CTDSPL2: variants seen among roughly 807,000 people sequenced by gnomAD.
CTDSPL2 encodes the protein CTD small phosphatase-like protein 2.
In CTDSPL2, 5 loss-of-function variants were observed where a neutral mutation model predicts 60.0. The observed-to-expected ratio is 0.08, with a 90% CI of 0.04 to 0.18. The LOEUF is 0.18. Ranked by LOEUF, CTDSPL2 falls within the 10% of genes least tolerant of loss-of-function variation. The pLI is 1.00. For missense variants in CTDSPL2, 370 were observed against 548.8 expected (o/e 0.67, Z 3.26); for synonymous variants, 186 against 189.3 (o/e 0.98, Z 0.14).
intron 2 of CTDSPL2, among the ~76,000 whole-genome samples, chr15:44,478,378 G>A (rs1282180859): frequency 6.8e-6 from 1 of 146,974 alleles, no homozygotes; most frequent in African/African-American, 2.6e-5. Flanking sequence ...CTTGAACCCG[G>A]GAGGTGGAGG....
At chr15:44,457,001 C>A (rs1374838249) in intron 1 of CTDSPL2, among the ~76,000 whole-genome samples, 1 of 151,970 alleles carries the variant, frequency 6.6e-6, no homozygotes, top group South Asian at 2.1e-4. Context: ...TTCAGCCTCC[C>A]AGGTAGCTGG....
chr15:44,449,495 A>AT (rs2080290607), intron 1 of CTDSPL2, among the ~76,000 whole-genome samples: 1 of 151,932 alleles, frequency 6.6e-6, no homozygotes, highest in Non-Finnish European at 1.5e-5. Context: ...TGCCTGGCTA[A>AT]TTTTTTTGTA....
intron 1 of CTDSPL2, among the ~76,000 whole-genome samples, chr15:44,432,585 G>C (rs1485659233): frequency 6.6e-6 from 1 of 150,812 alleles, no homozygotes; most frequent in Non-Finnish European, 1.5e-5. Context: ...GTCCCAAAGT[G>C]CTGGGATTAG....
At chr15:44,494,940 C>T (rs1444174432) in intron 5 of CTDSPL2, among the ~76,000 whole-genome samples, 1 of 151,898 alleles carries the variant, frequency 6.6e-6, no homozygotes, top group African/African-American at 2.4e-5. Context: ...AAGAAAAAAA[C>T]AGAATGTCTG....
At position 44,433,514 on chromosome 15, in the gene CTDSPL2, A is replaced by C. The variant is rs563392471; in HGVS notation, c.-25+5742A>C. 7.7e-4 allele frequency among the ~76,000 whole-genome samples: 116 copies of C among 150,486 alleles called. 1 individual carries two copies. Among genetic ancestry groups the C allele is most frequent in the Non-Finnish European group, 1.5e-3 (102 of 67,666 alleles). ...TTTTTTTCTCTTGAGATGGACTCTC[A>C]CTCTGTTGCCCGGGCTGGAGTGCAG... On this transcript the variant is annotated intron_variant, in intron 1 of 12. Transcript: ENST00000260327.
intron 5 of CTDSPL2, among the ~76,000 whole-genome samples, chr15:44,494,997 G>A (rs928363085): frequency 1.3e-5 from 2 of 152,116 alleles, no homozygotes; most frequent in African/African-American, 4.8e-5. Flanking sequence ...TTGAGATGGA[G>A]TTTTGCTCTT....
At chr15:44,460,325 G>T (rs1307608664) in intron 2 of CTDSPL2, among the ~76,000 whole-genome samples, 9 of 152,114 alleles carry the variant, frequency 5.9e-5, no homozygotes, top group Admixed American at 5.2e-4. Flanking sequence ...GGCCTGGATG[G>T]TCTTGATCTC....
Position 44,527,496 on chromosome 15 carries a change from C to A in CTDSPL2, c.*3322C>A, listed in dbSNP as rs1317259971. 6.6e-6 allele frequency: 1 copy of A among 152,150 alleles called. No individual in the cohort carries two copies. Among genetic ancestry groups the A allele is most frequent in the East Asian group, 1.9e-4 (1 of 5,206 alleles). The allele number at this position is 152,150 out of a possible 1,614,324, so 9.4% of individuals were successfully genotyped here. A position where few individuals can be genotyped will look rare whatever the true frequency, so the allele number is the denominator to read the frequency against. ...TCTTTCCTGCGAGCACAGAATTCTTCATAAGGACCAGATCTCTTCCATGTC... is the reference window on the plus strand; with the variant it reads ...TCTTTCCTGCGAGCACAGAATTCTTAATAAGGACCAGATCTCTTCCATGTC... On this transcript the variant is annotated 3_prime_UTR_variant, in exon 13 of 13. Transcript: ENST00000260327.
At chr15:44,488,102 T>A (rs2081151962) in intron 4 of CTDSPL2, among the ~76,000 whole-genome samples, 1 of 137,506 alleles carries the variant, frequency 7.3e-6, no homozygotes. Context: ...AGAGCAAGAC[T>A]CCGTCTCAAA....
Position 44,528,200 on chromosome 15 carries a change from T to C in CTDSPL2, c.*4026T>C, listed in dbSNP as rs1056326704. Reference sequence around the variant, plus strand: ...TTTATACTAGTTTATGCTTTTGATATTAGTATTTTAAGATACATCAGTTGA... The same window carrying C: ...TTTATACTAGTTTATGCTTTTGATACTAGTATTTTAAGATACATCAGTTGA... On this transcript the variant is annotated 3_prime_UTR_variant, in exon 13 of 13. Coordinates refer to ENST00000260327, the MANE Select transcript of CTDSPL2 (RefSeq NM_016396.3). 1.3e-5 allele frequency: 2 copies of C among 152,152 alleles called. No individual in the cohort carries two copies. Among genetic ancestry groups the C allele is most frequent in the Non-Finnish European group, 2.9e-5 (2 of 68,016 alleles). The allele number at this position is 152,152 out of a possible 1,614,324, so 9.4% of individuals were successfully genotyped here. A position where few individuals can be genotyped will look rare whatever the true frequency, so the allele number is the denominator to read the frequency against.
chr15:44,434,090 A>ATTTATTTT (rs2079921974), intron 1 of CTDSPL2, among the ~76,000 whole-genome samples: 1 of 151,650 alleles, frequency 6.6e-6, no homozygotes, highest in African/African-American at 2.4e-5. Flanking sequence ...TTATTTATTT[A>ATTTATTTT]TTTATTTTTT....
At chr15:44,511,867 C>CAAAAA (rs68063380) in intron 8 of CTDSPL2, among the ~76,000 whole-genome samples, 26 of 30,610 alleles carry the variant, frequency 8.5e-4, no homozygotes, top group Non-Finnish European at 1.8e-3. Context: ...GACGGTCTCG[C>CAAAAA]AAAAAAAAAA....
chr15:44,520,437 A>G (rs1358388132), intron 11 of CTDSPL2: 1 of 152,234 alleles, frequency 6.6e-6, no homozygotes, highest in Non-Finnish European at 1.5e-5. Context: ...GTTGTGAGCT[A>G]CCACACCCAG....
At chr15:44,464,241 A>G (rs913506088) in intron 2 of CTDSPL2, among the ~76,000 whole-genome samples, 1 of 152,190 alleles carries the variant, frequency 6.6e-6, no homozygotes, top group Non-Finnish European at 1.5e-5. Flanking sequence ...TTTAAAGTGT[A>G]ATAATTTAAG....
intron 1 of CTDSPL2, among the ~76,000 whole-genome samples, chr15:44,436,412 G>A (rs1456865514): frequency 6.6e-6 from 1 of 152,158 alleles, no homozygotes; most frequent in African/African-American, 2.4e-5. Flanking sequence ...ATGATGGAAG[G>A]ATGAAGACAG....
At chr15:44,461,622 C>T (rs1284005339) in intron 2 of CTDSPL2, among the ~76,000 whole-genome samples, 1 of 135,272 alleles carries the variant, frequency 7.4e-6, no homozygotes, top group African/African-American at 2.8e-5. Flanking sequence ...TCATTTATAT[C>T]GCCCAGGCTG....
At chr15:44,488,594 C>G (rs977080759) in intron 4 of CTDSPL2, among the ~76,000 whole-genome samples, 7 of 152,090 alleles carry the variant, frequency 4.6e-5, no homozygotes, top group African/African-American at 1.7e-4. Context: ...GGGCGGATCA[C>G]TTGAGGTCAG....
chr15:44,443,225 A>T (rs2080129131), intron 1 of CTDSPL2, among the ~76,000 whole-genome samples: 1 of 152,208 alleles, frequency 6.6e-6, no homozygotes, highest in Middle Eastern at 3.2e-3. Flanking sequence ...CGTTCATAAT[A>T]TATATCAGAA....
At chr15:44,506,142 G>A (rs138619756) in intron 8 of CTDSPL2, among the ~76,000 whole-genome samples, 4,544 of 147,590 alleles carry the variant, frequency 0.031, 247 homozygotes, top group African/African-American at 0.11. Context: ...AAATTCTCCT[G>A]CCTCAGCCTC....
Sources: allele counts gnomAD v4.1 joint callset (sites outside exome capture counted in the v4.1 genomes callset), GRCh38; gene constraint gnomAD v4.1.1; transcripts MANE v1.5; gene names NCBI Gene and HGNC (gene_info 2026-07-23, HGNC 2026-07-21).